USP42: variants seen among roughly 807,000 people sequenced by gnomAD.
USP42 encodes ubiquitin carboxyl-terminal hydrolase 42.
Under a neutral mutation model 113.0 loss-of-function variants are expected in USP42, and 23 were observed. The observed-to-expected ratio is 0.20, with a 90% CI of 0.15 to 0.29. The LOEUF is 0.29. Ranked by LOEUF, USP42 falls within the 10% of genes least tolerant of loss-of-function variation. USP42 has a pLI of 1.00. For synonymous variants in USP42, 933 were observed against 699.0 expected, an observed-to-expected ratio of 1.33 and a Z score of -5.28; for missense variants, 2,174 against 1,779.8, an observed-to-expected ratio of 1.22 and a Z score of -3.99.
chr7:6,144,851 C>T (rs543277595), intron 9 of USP42, among the ~76,000 whole-genome samples: 5 of 149,276 alleles, frequency 3.3e-5, no homozygotes, highest in African/African-American at 5.0e-5. Flanking sequence ...GCCTGGGCAA[C>T]AGAGTCAGAT....
chr7:6,151,556 G>C (rs1423135827), intron 14 of USP42, among the ~76,000 whole-genome samples: 2 of 151,700 alleles, frequency 1.3e-5, no homozygotes, highest in African/African-American at 4.8e-5. Context: ...TCCTGACTCA[G>C]CCTCCTGAGT....
chr7:6,150,748 C>T (rs745619695), intron 14 of USP42, among the ~76,000 whole-genome samples: 1 of 152,204 alleles, frequency 6.6e-6, no homozygotes. Context: ...TCTCCTCCTG[C>T]GTGGCCACCT....
At chr7:6,110,500 A>G (rs914199311) in intron 1 of USP42, among the ~76,000 whole-genome samples, 2 of 152,304 alleles carry the variant, frequency 1.3e-5, no homozygotes, top group South Asian at 4.1e-4. Flanking sequence ...TTTGAGTTTG[A>G]TATCAGTAAT....
rs1782662726 is a variant in USP42, at chr7:6,159,698, T to G, written c.*36+205T>G. 6.6e-6 allele frequency among the ~76,000 whole-genome samples: 1 copy of G among 152,176 alleles called. No individual in the cohort carries two copies. Among genetic ancestry groups the G allele is most frequent in the African/African-American group, 2.4e-5 (1 of 41,442 alleles). ...ACCTAGACCCTCCACCTCATCACGT[T>G]TGCATTACTGGCTGGGGAAGACCCG... On this transcript the variant is annotated intron_variant, in intron 17 of 17. Coordinates refer to ENST00000306177, the MANE Select transcript of USP42 (RefSeq NM_032172.3). The surrounding 1 kb of genome is among the most constrained non-coding windows in gnomAD (Gnocchi z 4.1).
the USP42 span, among the ~76,000 whole-genome samples, chr7:6,091,199 A>G: frequency 6.6e-6 from 1 of 150,930 alleles, no homozygotes; most frequent in African/African-American, 2.5e-5. Flanking sequence ...AACTAACTTT[A>G]CACACTTTTC....
intron 14 of USP42, 147 bp from the exon 15 acceptor site, chr7:6,153,609 T>C (rs981847261): frequency 3.7e-6 from 4 of 1,071,610 alleles, no homozygotes; most frequent in South Asian, 2.5e-5. Flanking sequence ...ATTGTGCACA[T>C]GTAGCCTGAA....
chr7:6,134,578 T>G (rs1271540928), intron 3 of USP42, among the ~76,000 whole-genome samples: 1 of 152,160 alleles, frequency 6.6e-6, no homozygotes, highest in Non-Finnish European at 1.5e-5. Flanking sequence ...TTTGGGTGAC[T>G]CTTTGCTGGG....
At chr7:6,111,022 T>A in intron 1 of USP42, 103 bp from the exon 2 acceptor site, 4 of 1,237,536 alleles carry the variant, frequency 3.2e-6, no homozygotes, top group Non-Finnish European at 4.4e-6. Flanking sequence ...TGTTTGAAAA[T>A]CACTTTAAAA....
intron 4 of USP42, 120 bp from the exon 5 acceptor site, chr7:6,138,972 C>A: frequency 3.2e-6 from 2 of 634,388 alleles, no homozygotes; most frequent in Non-Finnish European, 5.3e-6. Context: ...GCTATTTCCT[C>A]ATAAAGTAAG....
intron 7 of USP42, among the ~76,000 whole-genome samples, chr7:6,141,882 C>T (rs932602555): frequency 4.6e-5 from 7 of 152,182 alleles, no homozygotes; most frequent in African/African-American, 7.2e-5. Flanking sequence ...ATATGTACTG[C>T]TCCAGAATGT....
chr7:6,103,485 C>G (rs1790198279), upstream of USP42, among the ~76,000 whole-genome samples: 1 of 149,078 alleles, frequency 6.7e-6, no homozygotes, highest in Non-Finnish European at 1.5e-5. Flanking sequence ...CCATTGCACT[C>G]CAGCCTGGGC....
upstream of USP42, among the ~76,000 whole-genome samples, chr7:6,104,573 C>G (rs1398377132): frequency 1.3e-5 from 2 of 152,242 alleles, no homozygotes; most frequent in Admixed American, 6.5e-5. Flanking sequence ...GGGTCAAGCG[C>G]AGGACGAGGC....
At chr7:6,145,449 C>G (rs1410425239) in intron 9 of USP42, 67 bp from the exon 10 acceptor site, 6 of 1,598,820 alleles carry the variant, frequency 3.8e-6, no homozygotes, top group Non-Finnish European at 3.4e-6. Context: ...TCTAAGTACC[C>G]TCTACCTGAA....
At chr7:6,087,502 C>T in the USP42 span, among the ~76,000 whole-genome samples, 1 of 149,908 alleles carries the variant, frequency 6.7e-6, no homozygotes, top group East Asian at 1.9e-4. Context: ...GCGCCTGTCT[C>T]ATTTTAAAAT....
upstream of USP42, among the ~76,000 whole-genome samples, chr7:6,104,604 C>A (rs1409905056): frequency 6.6e-6 from 1 of 152,194 alleles, no homozygotes; most frequent in African/African-American, 2.4e-5. Flanking sequence ...AGTCCTACGC[C>A]CGCCGCGCGC....
the USP42 span, among the ~76,000 whole-genome samples, chr7:6,082,588 A>G: frequency 1.1e-4 from 12 of 108,566 alleles, no homozygotes; most frequent in African/African-American, 3.6e-4. Context: ...CTGCGTCTCT[A>G]TTTTCTTTCT....
chr7:6,152,799 C>T (rs1435265008), intron 14 of USP42, among the ~76,000 whole-genome samples: 1 of 152,208 alleles, frequency 6.6e-6, no homozygotes, highest in African/African-American at 2.4e-5. Context: ...GAACGTTTTG[C>T]TAAAGCCTCT....
In USP42 at chr7:6,159,969, G is replaced by A. The variant is rs142289927; in HGVS notation, c.*36+476G>A. Among the ~76,000 whole-genome samples, 2,014 of 152,340 alleles carry A rather than the reference G, an allele frequency of 0.013. 26 individuals are homozygous for A. Among genetic ancestry groups the A allele is most frequent in the Middle Eastern group, 0.061 (18 of 294 alleles). ...AGCCAGCACCCCCCCAGCAGCCACC[G>A]TACAAAACCATAGGAAGGTGGCCCA... On this transcript the variant is annotated intron_variant, in intron 17 of 17. Transcript: ENST00000306177. This position sits in a 1 kb window ranked among gnomAD's most constrained non-coding sequence, Gnocchi z 4.1.
rs1259034280 is a variant in USP42, at chr7:6,154,910, C to G, written c.3356C>G (p.Ala1119Gly). The G allele has an allele frequency of 5.2e-6, 8 of 1,547,120 alleles. No homozygotes were observed. The South Asian group carries it at 6.0e-5, about 12-fold the overall frequency. Residue 1119 changes from alanine to glycine, a missense_variant, in exon 15 of 18, where the codon GCA (alanine) becomes GGA (glycine). By Grantham distance (60) the Ala-to-Gly change is moderately conservative. Transcript: ENST00000306177. The part of the protein sequence containing the change: ...RERHRPSSPR[A>G]GAPHALAPHP... ...CGGCACCGCCCCAGCAGCCCCCGCG[C>G]AGGCGCGCCCCACGCCCTCGCCCCG...
Sources: gnomAD v4.1 joint callset for allele counts (sites outside exome capture counted in the v4.1 genomes callset) on GRCh38, gnomAD v4.1.1 for gene constraint, Gnocchi (gnomAD v3.1) non-coding constraint, MANE v1.5 for transcripts, NCBI Gene and HGNC (gene_info 2026-07-23, HGNC 2026-07-21) for gene names.